The following PTPRN2 variants were observed in gnomAD, a reference collection of about 807,000 sequenced individuals.
The protein encoded by PTPRN2 is protein tyrosine phosphatase receptor type N2, also known as receptor-type tyrosine-protein phosphatase N2.
In PTPRN2, 74 loss-of-function variants were observed where a neutral mutation model predicts 118.8. That is an observed-to-expected ratio of 0.62 (90% confidence interval 0.52 to 0.76). The LOEUF is 0.76. PTPRN2 is among the 30% of genes least tolerant of loss of function. The probability of loss-of-function intolerance (pLI) is 0.00; values close to 1 mark genes in which losing one functional copy is unlikely to be tolerated. For missense variants in PTPRN2, 1,481 were observed against 1,394.4 expected, an observed-to-expected ratio of 1.06 and a Z score of -0.99; for synonymous variants, 641 against 608.0, an observed-to-expected ratio of 1.05 and a Z score of -0.80.
chr7:158,505,955 C>A lies in PTPRN2; in HGVS notation c.113-16170G>T, dbSNP rs573474991. ...AGCTACAGTGGGTCAGACGCTGCAC[C>A]GGGTACAGCAGGAAGCACAGAGCCC... On this transcript the variant is annotated intron_variant, in intron 1 of 22. Transcript: ENST00000389418. 1.6e-4 allele frequency among the ~76,000 whole-genome samples: 24 copies of A among 152,290 alleles called. No individual in the cohort carries two copies. In the South Asian group the frequency reaches 5.0e-3, roughly 32 times the overall value.
At position 157,842,153 on chromosome 7, in the gene PTPRN2, C is replaced by T. The variant is rs373576869; in HGVS notation, c.1788+56520G>A. ...CCCAACCCATACACAACATTAGAAA[C>T]GGCATTATTTGCTGGCCCCTTTGTG... On this transcript the variant is annotated intron_variant, in intron 12 of 22. Coordinates refer to ENST00000389418, the MANE Select transcript of PTPRN2 (RefSeq NM_002847.5). Among the ~76,000 whole-genome samples the T allele has an allele frequency of 1.4e-3, 216 of 152,268 alleles. 1 individual carries two copies. Among genetic ancestry groups the T allele is most frequent in the African/African-American group, 4.7e-3 (196 of 41,552 alleles).
At chr7:158,523,401 T>C (rs1824380385) in intron 1 of PTPRN2, among the ~76,000 whole-genome samples, 1 of 122,834 alleles carries the variant, frequency 8.1e-6, no homozygotes, top group Non-Finnish European at 1.7e-5. Context: ...AGCGGAGTCA[T>C]CTGCCCTGGA....
chr7:158,448,262 AATC>A (rs1360740489), intron 2 of PTPRN2, among the ~76,000 whole-genome samples: 15 of 152,350 alleles, frequency 9.8e-5, no homozygotes, highest in African/African-American at 3.6e-4. Context: ...GAAGGATATA[AATC>A]AGAACGGTAA....
At chr7:158,202,830 A>G (rs1826743000) in intron 4 of PTPRN2, among the ~76,000 whole-genome samples, 1 of 152,242 alleles carries the variant, frequency 6.6e-6, no homozygotes, top group Non-Finnish European at 1.5e-5. Context: ...TAATATGTGA[A>G]AAGTTACTAG....
Position 158,153,764 on chromosome 7 carries a change from T to A in PTPRN2, c.910+13167A>T, listed in dbSNP as rs139516834. 6.8e-4 allele frequency among the ~76,000 whole-genome samples: 104 copies of A among 152,018 alleles called. 1 individual carries two copies. The East Asian group carries it at 0.018, about 27-fold the overall frequency. ...TGGGATATCATCTGATTGACAAATT[T>A]ACAAGAACCACTCTGCAGGCCTGAG... On this transcript the variant is annotated intron_variant, in intron 6 of 22. Transcript: ENST00000389418.
intron 22 of PTPRN2, among the ~76,000 whole-genome samples, chr7:157,542,615 G>T (rs1168970453): frequency 6.6e-6 from 1 of 152,184 alleles, no homozygotes; most frequent in East Asian, 1.9e-4. Flanking sequence ...ACGGGCAGGG[G>T]GAACTCCACC....
At chr7:157,991,094 G>A (rs968917180) in intron 11 of PTPRN2, among the ~76,000 whole-genome samples, 6 of 152,136 alleles carry the variant, frequency 3.9e-5, no homozygotes, top group African/African-American at 7.2e-5. Context: ...CCACTGCCAG[G>A]GCTGCTGGAT....
chr7:157,614,932 C>T (rs1465814337), intron 15 of PTPRN2, among the ~76,000 whole-genome samples: 2 of 152,220 alleles, frequency 1.3e-5, no homozygotes, highest in Non-Finnish European at 2.9e-5. Flanking sequence ...AAAGCCTGGG[C>T]AGATGGGCAC....
chr7:158,035,946 A>G (rs1808061399), intron 11 of PTPRN2, among the ~76,000 whole-genome samples: 1 of 152,216 alleles, frequency 6.6e-6, no homozygotes, highest in African/African-American at 2.4e-5. Context: ...AACGCAAACT[A>G]GAGAATTAAC....
At chr7:158,364,880 C>T (rs547122313) in intron 2 of PTPRN2, among the ~76,000 whole-genome samples, 8 of 152,240 alleles carry the variant, frequency 5.3e-5, no homozygotes, top group Admixed American at 3.3e-4. Context: ...AATAACGGAA[C>T]GGCATGAGAA....
Position 157,696,735 on chromosome 7 carries a change from G to A in PTPRN2, c.1789-13798C>T, listed in dbSNP as rs1199463802. On this transcript the variant is annotated intron_variant, in intron 12 of 22. Transcript: ENST00000389418. ...ACTGGGTCTTAGCAGAGCCCTCACC[G>A]TCTACCCATGCATACTGGATCTTGG... Among the ~76,000 whole-genome samples, 616 of 73,128 alleles carry A rather than the reference G, an allele frequency of 8.4e-3. 1 individual carries two copies. The highest frequency in any genetic ancestry group is 0.022 in the African/African-American group (408 of 18,658). 48.0% of individuals were successfully genotyped at this position (73,128 alleles called of 152,430 possible).
At chr7:158,333,608 A>C (rs1482039682) in intron 2 of PTPRN2, among the ~76,000 whole-genome samples, 5 of 151,046 alleles carry the variant, frequency 3.3e-5, no homozygotes, top group African/African-American at 1.2e-4. Context: ...CCACACTCTC[A>C]CTATAAGAGG....
intron 3 of PTPRN2, among the ~76,000 whole-genome samples, chr7:158,298,569 C>T (rs1416913334): frequency 1.3e-5 from 2 of 152,092 alleles, no homozygotes; most frequent in Middle Eastern, 3.2e-3. Flanking sequence ...GTTTATGTGC[C>T]GTGAATCTGG....
At chr7:157,689,831 G>GC (rs1797383059) in intron 12 of PTPRN2, among the ~76,000 whole-genome samples, 1 of 152,158 alleles carries the variant, frequency 6.6e-6, no homozygotes, top group Non-Finnish European at 1.5e-5. Context: ...CTCCCTGCAG[G>GC]CCCCCTCGGT....
chr7:158,356,481 G>GT (rs570466680), intron 2 of PTPRN2, among the ~76,000 whole-genome samples: 14 of 152,154 alleles, frequency 9.2e-5, no homozygotes, highest in African/African-American at 3.1e-4. Context: ...GCTTCCTTGG[G>GT]TTTTTTTGGA....
At chr7:157,691,021 G>A (rs1232510544) in intron 12 of PTPRN2, among the ~76,000 whole-genome samples, 9 of 148,156 alleles carry the variant, frequency 6.1e-5, no homozygotes, top group Admixed American at 6.0e-4. Flanking sequence ...GCACCCGGCC[G>A]GCGGCGGCGC....
rs556258555 is a variant in PTPRN2, at chr7:157,785,559, C to T, written c.1789-102622G>A. On this transcript the variant is annotated intron_variant, in intron 12 of 22. Transcript: ENST00000389418. The surrounding 1 kb of genome is among the most constrained non-coding windows in gnomAD (Gnocchi z 7.3). ...GTGCCATCCGCAAACCTGGTCTCTG[C>T]TGAAATCTGAACAGTCTACACTGGA... Among the ~76,000 whole-genome samples the T allele has an allele frequency of 9.8e-5, 15 of 152,290 alleles. No homozygotes were observed. In the East Asian group the frequency reaches 2.7e-3, roughly 27 times the overall value.
intron 3 of PTPRN2, among the ~76,000 whole-genome samples, chr7:158,212,275 A>T (rs955652052): frequency 8.5e-5 from 13 of 152,224 alleles, no homozygotes; most frequent in African/African-American, 2.9e-4. Flanking sequence ...GTTAATGAGT[A>T]CAAAAATACA....
At chr7:157,582,946 T>C (rs1226555981) in intron 17 of PTPRN2, among the ~76,000 whole-genome samples, 3 of 151,594 alleles carry the variant, frequency 2.0e-5, no homozygotes, top group African/African-American at 7.3e-5. Flanking sequence ...ACAGAACCAC[T>C]GTGTGATCCA....
Sources: gnomAD v4.1 joint callset for allele counts (sites outside exome capture counted in the v4.1 genomes callset) on GRCh38, gnomAD v4.1.1 for gene constraint, Gnocchi (gnomAD v3.1) non-coding constraint, MANE v1.5 for transcripts, NCBI Gene and HGNC (gene_info 2026-07-23, HGNC 2026-07-21) for gene names.